WIF1: variants seen among roughly 807,000 people sequenced by gnomAD.
WIF1 encodes Wnt inhibitory factor 1.
In WIF1, 35 loss-of-function variants were observed where a neutral mutation model predicts 53.5. The ratio of observed to expected loss-of-function variants is 0.65; its 90% CI spans 0.50 to 0.87. WIF1 has a LOEUF of 0.87. Among genes scored for constraint, WIF1 ranks in the 40% least tolerant of loss-of-function variants. The probability of loss-of-function intolerance (pLI) is 0.00; values close to 1 mark genes in which losing one functional copy is unlikely to be tolerated. For synonymous variants in WIF1, 171 were observed against 170.4 expected, an observed-to-expected ratio of 1.00 and a Z score of -0.03; for missense variants, 467 against 476.8, an observed-to-expected ratio of 0.98 and a Z score of 0.19.
At chr12:65,113,888 CAG>C (rs1883470482) in intron 2 of WIF1, among the ~76,000 whole-genome samples, 2 of 152,124 alleles carry the variant, frequency 1.3e-5, no homozygotes, top group South Asian at 2.1e-4. Flanking sequence ...AACCATGGAA[CAG>C]GGGTCAGAAA....
rs576224645 is a variant in WIF1 at position 65,117,731 on chromosome 12, T to C, written c.288+2686A>G. On this transcript the variant is annotated intron_variant, in intron 2 of 9. Coordinates refer to ENST00000286574, the MANE Select transcript of WIF1 (RefSeq NM_007191.5). ...ATATGGAGGTGATGGGAGACAGCGA[T>C]AGATCATCAGGCATTTGATTCTTAT... Among the ~76,000 whole-genome samples the C allele has an allele frequency of 5.1e-4, 77 of 152,312 alleles. No homozygotes were observed. The Middle Eastern group carries it at 0.01, about 20-fold the overall frequency.
intron 2 of WIF1, among the ~76,000 whole-genome samples, chr12:65,100,143 G>C (rs1333186736): frequency 1.3e-5 from 2 of 152,080 alleles, no homozygotes; most frequent in Admixed American, 6.6e-5. Context: ...ATGTTCAAAA[G>C]GAATTATTTG....
At chr12:65,076,079 C>T (rs999890340) in intron 3 of WIF1, among the ~76,000 whole-genome samples, 2 of 151,774 alleles carry the variant, frequency 1.3e-5, no homozygotes, top group Non-Finnish European at 2.9e-5. Flanking sequence ...GCTCTGTTGC[C>T]CTGGCTGGAG....
At chr12:65,071,485 A>G (rs951558636) in intron 3 of WIF1, among the ~76,000 whole-genome samples, 1 of 152,158 alleles carries the variant, frequency 6.6e-6, no homozygotes, top group Non-Finnish European at 1.5e-5. Flanking sequence ...TAGTAAACCA[A>G]AAGAAATGAT....
At chr12:65,082,836 T>C (rs903036424) in intron 2 of WIF1, among the ~76,000 whole-genome samples, 6 of 152,166 alleles carry the variant, frequency 3.9e-5, no homozygotes, top group Admixed American at 3.9e-4. Context: ...GGTGTGTACT[T>C]AATCTAATAA....
At chr12:65,071,625 C>T (rs1882775622) in intron 3 of WIF1, among the ~76,000 whole-genome samples, 1 of 152,032 alleles carries the variant, frequency 6.6e-6, no homozygotes, top group Admixed American at 6.6e-5. Flanking sequence ...TTTATTTGTG[C>T]ATAATAACTC....
At chr12:65,119,664 T>A (rs1222723161) in intron 2 of WIF1, among the ~76,000 whole-genome samples, 1 of 152,172 alleles carries the variant, frequency 6.6e-6, no homozygotes, top group Non-Finnish European at 1.5e-5. Flanking sequence ...TTGCTTACCA[T>A]TTGTCCTCTA....
intron 2 of WIF1, among the ~76,000 whole-genome samples, chr12:65,107,408 G>A (rs2136292740): frequency 1.3e-5 from 2 of 152,254 alleles, no homozygotes; most frequent in East Asian, 3.9e-4. Flanking sequence ...ACTAATCACT[G>A]AGGTCAGGAG....
chr12:65,052,921 T>G (rs1448740542), intron 9 of WIF1, among the ~76,000 whole-genome samples: 1 of 152,178 alleles, frequency 6.6e-6, no homozygotes, highest in Non-Finnish European at 1.5e-5. Context: ...TCATCACTTG[T>G]GGGGATCACT....
intron 2 of WIF1, chr12:65,095,633 T>A (rs1449803730): frequency 6.6e-6 from 1 of 152,004 alleles, no homozygotes; most frequent in Non-Finnish European, 1.5e-5. Context: ...AGAGATCAGG[T>A]TTTTGAATAT....
intron 6 of WIF1, among the ~76,000 whole-genome samples, chr12:65,063,013 A>G (rs1307023274): frequency 6.6e-6 from 1 of 152,204 alleles, no homozygotes; most frequent in African/African-American, 2.4e-5. Flanking sequence ...AGGACCTGAC[A>G]AAAAAGCAAC....
At chr12:65,090,767 G>A (rs1282209969) in intron 2 of WIF1, among the ~76,000 whole-genome samples, 1 of 152,176 alleles carries the variant, frequency 6.6e-6, no homozygotes, top group Non-Finnish European at 1.5e-5. Flanking sequence ...AATAATGCAT[G>A]TAAAGTAGGT....
chr12:65,117,959 G>A (rs538485023), intron 2 of WIF1, among the ~76,000 whole-genome samples: 3 of 152,196 alleles, frequency 2.0e-5, no homozygotes, highest in Non-Finnish European at 2.9e-5. Flanking sequence ...TTCCCAAAAG[G>A]CCATGGACCA....
chr12:65,116,377 T>C (rs573652475), intron 2 of WIF1, among the ~76,000 whole-genome samples: 37 of 152,052 alleles, frequency 2.4e-4, no homozygotes, highest in African/African-American at 8.4e-4. Context: ...TGAACCCTGT[T>C]GTGAACTGCA....
At chr12:65,087,507 C>CA in intron 2 of WIF1, among the ~76,000 whole-genome samples, 1 of 151,832 alleles carries the variant, frequency 6.6e-6, no homozygotes, top group African/African-American at 2.4e-5. Flanking sequence ...TGATGACTTC[C>CA]AAAATATTTA....
chr12:65,077,687 A>G lies in WIF1; in HGVS notation c.397+59T>C, dbSNP rs2289936. On this transcript the variant is annotated intron_variant, in intron 3 of 9. Transcript: ENST00000286574. ...CTGATGTAGGACATTTGCATCTTAA[A>G]TATTCTTATCATCATTACATTTTAA... The G allele has an allele frequency of 0.083, 104,547 of 1,253,608 alleles. 7,244 individuals carry two copies. Among genetic ancestry groups the G allele is most frequent in the East Asian group, 0.34 (14,312 of 42,540 alleles). The allele number at this position is 1,253,608 out of a possible 1,614,324, so 77.7% of individuals were successfully genotyped here.
rs1294529821 is a variant in WIF1 at position 65,121,157 on chromosome 12, A to C, written c.35T>G (p.Leu12Arg). Residue 12 changes from leucine (L) to arginine (R), a missense_variant, in exon 1 of 10, where the codon CTC becomes CGC. Physicochemically the swap from Leu to Arg is moderately radical, Grantham distance 102. Coordinates refer to ENST00000286574, the MANE Select transcript of WIF1 (RefSeq NM_007191.5). ...ARRSAFPAAA[L>R]WLWSILLCLL... ...GCACAGGAGGATGCTCCAGAGCCAG[A>C]GCGCGGCGGCAGGGAAGGCGCTCCT... The C allele has an allele frequency of 6.5e-7, 1 of 1,547,040 alleles. No individual in the cohort carries two copies. Among genetic ancestry groups the C allele is most frequent in the East Asian group, 2.4e-5 (1 of 40,978 alleles).
chr12:65,113,123 C>T (rs1474055619), intron 2 of WIF1, among the ~76,000 whole-genome samples: 1 of 152,218 alleles, frequency 6.6e-6, no homozygotes, highest in Non-Finnish European at 1.5e-5. Context: ...CACGGGAGAA[C>T]AACTTGCCAT....
chr12:65,116,950 A>G (rs1008631809), intron 2 of WIF1, among the ~76,000 whole-genome samples: 3 of 150,902 alleles, frequency 2.0e-5, no homozygotes, highest in Non-Finnish European at 4.4e-5. Context: ...AAAAAAAAAA[A>G]AAAAAAAAAA....
Sources: gnomAD v4.1 joint callset for allele counts (sites outside exome capture counted in the v4.1 genomes callset) on GRCh38, gnomAD v4.1.1 for gene constraint, MANE v1.5 for transcripts, NCBI Gene and HGNC (gene_info 2026-07-23, HGNC 2026-07-21) for gene names.